Variants in CDCA8 observed in about 807,000 individuals in gnomAD.
CDCA8 encodes the protein cell division cycle associated 8.
In CDCA8, 25 loss-of-function variants were observed where a neutral mutation model predicts 40.0. The observed-to-expected ratio is 0.63, with a 90% CI of 0.46 to 0.87. The LOEUF (loss-of-function observed/expected upper bound fraction) is 0.87. CDCA8 is among the 40% of genes least tolerant of loss of function. The pLI is 0.00. For synonymous variants in CDCA8, 111 were observed against 126.5 expected (o/e 0.88, Z 0.82); for missense variants, 280 against 348.4 (o/e 0.80, Z 1.56).
intron 5 of CDCA8, 83 bp from the exon 6 acceptor site, chr1:37,701,670 CT>C: frequency 9.6e-5 from 72 of 753,370 alleles, no homozygotes; most frequent in Middle Eastern, 2.6e-4. Flanking sequence ...GTTCTTAATG[CT>C]TTAAAAAAAA....
rs535200769 is a variant in CDCA8 at position 37,695,897 on chromosome 1, G to A, written c.224-13G>A. ...GTTAAAATGTAATAGTAACTACAAC[G>A]TTCTTTTTAAAGCCCTTGGAGGAAA... On this transcript the variant is annotated splice_polypyrimidine_tract_variant and intron_variant, in intron 2 of 9. Coordinates refer to ENST00000373055, the MANE Select transcript of CDCA8 (RefSeq NM_001256875.2). 10 of 1,611,476 alleles carry A rather than the reference G, an allele frequency of 6.2e-6. No homozygotes were observed. The highest frequency in any genetic ancestry group is 3.3e-5 in the Admixed American group (2 of 59,966).
rs753549817 is a variant in CDCA8 at position 37,700,468 on chromosome 1, G to A, written c.370G>A (p.Val124Met). ...RKVIQVDEMI[V>M]EEEEEEENER... ...GGTAATACAGGTAGATGAAATGATA[G>A]TGGAAGAGGAAGAAGAAGAAGAAAA... The change falls in exon 5 of 10, where the codon GTG becomes ATG. Residue 124 changes from valine to methionine, a missense_variant. By Grantham distance (21) the Val-to-Met change is conservative. Transcript: ENST00000373055. The A allele has an allele frequency of 1.2e-6, 2 of 1,611,044 alleles. No homozygotes were observed. Among genetic ancestry groups the A allele is most frequent in the South Asian group, 2.2e-5 (2 of 90,932 alleles).
In CDCA8 at chr1:37,696,081, T is replaced by C. The variant is rs1645524823; in HGVS notation, c.264+131T>C. 1 of 783,444 alleles carries C rather than the reference T, an allele frequency of 1.3e-6. No homozygotes were observed. Among genetic ancestry groups the C allele is most frequent in the Admixed American group, 2.3e-5 (1 of 43,664 alleles). The allele number at this position is 783,444 out of a possible 1,614,324, so 48.5% of individuals were successfully genotyped here. On this transcript the variant is annotated intron_variant, in intron 3 of 9. Transcript: ENST00000373055. The surrounding 1 kb of genome is among the most constrained non-coding windows in gnomAD (Gnocchi z 5.0). ...TCATCTGTTTGTGTCAACTGAAAAA[T>C]TAGAGTTGGACCAGACACTGTATAC...
rs1557515574 is a variant in CDCA8 at position 37,695,915 on chromosome 1, G to A, written c.229G>A (p.Gly77Arg). 19 of 1,613,810 alleles carry A rather than the reference G, an allele frequency of 1.2e-5. No homozygotes were observed. Among genetic ancestry groups the A allele is most frequent in the Non-Finnish European group, 1.5e-5 (18 of 1,179,744 alleles). ...CTACAACGTTCTTTTTAAAGCCCTT[G>A]GAGGAAACAAACAGGCCCTGGAAGA... ...EMNWLDYFAL[G>R]GNKQALEEAA... is the part of the protein sequence containing the mutation. Residue 77 changes from glycine to arginine, a missense_variant, in exon 3 of 10, where the codon GGA becomes AGA. Transcript: ENST00000373055.
At chr1:37,708,229 G>A (rs1645616007) in intron 9 of CDCA8, 93 bp from the exon 10 acceptor site, 1 of 1,061,224 alleles carries the variant, frequency 9.4e-7, no homozygotes, top group Non-Finnish European at 1.5e-6. Flanking sequence ...GATACAGATA[G>A]AGAATGGAGG....
chr1:37,697,038 A>C (rs1450655512), intron 3 of CDCA8, among the ~76,000 whole-genome samples: 1 of 152,252 alleles, frequency 6.6e-6, no homozygotes, highest in Non-Finnish European at 1.5e-5. Context: ...AATTAGAAAT[A>C]CAGAACTGCA....
chr1:37,708,094 A>G (rs1448316371), intron 9 of CDCA8, among the ~76,000 whole-genome samples: 3 of 152,228 alleles, frequency 2.0e-5, no homozygotes, highest in Non-Finnish European at 4.4e-5. Context: ...TGTGACTGTC[A>G]TCCTCTAGCT....
At chr1:37,706,925 G>A (rs1645605796) in intron 8 of CDCA8, 53 bp from the exon 9 acceptor site, 3 of 1,437,158 alleles carry the variant, frequency 2.1e-6, no homozygotes, top group Admixed American at 1.7e-5. Context: ...GGAACCTAGG[G>A]GTTCCGGCCC....
At position 37,692,736 on chromosome 1, in the gene CDCA8, T is replaced by C; in HGVS notation, c.46T>C (p.Leu16=). 1 of 1,613,452 alleles carries C rather than the reference T, an allele frequency of 6.2e-7. No homozygotes were observed. Among genetic ancestry groups the C allele is most frequent in the Non-Finnish European group, 8.5e-7 (1 of 1,179,980 alleles). ...TAGTCGGGTGGCCAAGACCAACTCCTTACGGAGGCGGAAGCTCGCCTCCTT... is the reference window on the plus strand; with the variant it reads ...TAGTCGGGTGGCCAAGACCAACTCCCTACGGAGGCGGAAGCTCGCCTCCTT... The part of the protein sequence containing the change: ...GSSRVAKTNS[L]RRRKLASFLK... The change falls in exon 1 of 10, where the codon TTA becomes CTA. Residue 16 remains leucine (L), a synonymous_variant. Coordinates refer to ENST00000373055, the MANE Select transcript of CDCA8 (RefSeq NM_001256875.2).
rs1334576531 is a variant in CDCA8 at position 37,701,815 on chromosome 1, A to G, written c.485A>G (p.Lys162Arg). ...TCCATACAAGGAAAAGGAAAAGGGAAAAGGTAGTGGATTTTCTAAAGTTGT... is the reference window on the plus strand; with the variant it reads ...TCCATACAAGGAAAAGGAAAAGGGAGAAGGTAGTGGATTTTCTAAAGTTGT... ...TQSIQGKGKG[K>R]RSSRANTVTP... The change falls in exon 6 of 10, where the codon AAA becomes AGA. Residue 162 changes from lysine (K) to arginine (R), a missense_variant. By Grantham distance (26) the Lys-to-Arg change is conservative. Transcript: ENST00000373055. 4 of 1,612,304 alleles carry G rather than the reference A, an allele frequency of 2.5e-6. No individual in the cohort carries two copies. The highest frequency in any genetic ancestry group is 4.5e-5 in the East Asian group (2 of 44,850).
rs974422311 is a variant in CDCA8 at position 37,696,594 on chromosome 1, G to A, written c.264+644G>A. Reference sequence around the variant, plus strand: ...ACAGAAATAGAACATTGCTACTCTTGCAGAAAGTTTTATGAGACAGCATTG... The same window carrying A: ...ACAGAAATAGAACATTGCTACTCTTACAGAAAGTTTTATGAGACAGCATTG... On this transcript the variant is annotated intron_variant, in intron 3 of 9. Coordinates refer to ENST00000373055, the MANE Select transcript of CDCA8 (RefSeq NM_001256875.2). This position sits in a 1 kb window ranked among gnomAD's most constrained non-coding sequence, Gnocchi z 5.0. Among the ~76,000 whole-genome samples, 2 of 152,216 alleles carry A rather than the reference G, an allele frequency of 1.3e-5. No homozygotes were observed. Among genetic ancestry groups the A allele is most frequent in the African/African-American group, 4.8e-5 (2 of 41,454 alleles).
At chr1:37,705,705 A>G in intron 8 of CDCA8, 138 bp downstream of exon 8, 1 of 896,988 alleles carries the variant, frequency 1.1e-6, no homozygotes. Flanking sequence ...TGCGGGACTC[A>G]GAACCCAGTT....
At chr1:37,704,391 G>A (rs985168833) in intron 7 of CDCA8, among the ~76,000 whole-genome samples, 3 of 152,210 alleles carry the variant, frequency 2.0e-5, no homozygotes, top group Non-Finnish European at 4.4e-5. Flanking sequence ...AGGAGATGCT[G>A]TATAGCCATT....
In CDCA8 at chr1:37,692,761, T is replaced by C; in HGVS notation, c.71T>C (p.Phe24Ser). The change falls in exon 1 of 10, where the codon TTT (phenylalanine) becomes TCT (serine). Residue 24 changes from phenylalanine to serine, a missense_variant. Physicochemically the swap from Phe to Ser is radical, Grantham distance 155 (BLOSUM62 -2). Coordinates refer to ENST00000373055, the MANE Select transcript of CDCA8 (RefSeq NM_001256875.2). Reference sequence around the variant, plus strand: ...TTACGGAGGCGGAAGCTCGCCTCCTTTCTGAAAGACTTCGACCGTGAAGGT... The same window carrying C: ...TTACGGAGGCGGAAGCTCGCCTCCTCTCTGAAAGACTTCGACCGTGAAGGT... Reference protein sequence around the residue: ...NSLRRRKLASFLKDFDREVEI... With the variant: ...NSLRRRKLASSLKDFDREVEI... The C allele has an allele frequency of 6.2e-7, 1 of 1,613,632 alleles. No individual in the cohort carries two copies. Among genetic ancestry groups the C allele is most frequent in the Non-Finnish European group, 8.5e-7 (1 of 1,179,978 alleles).
At chr1:37,702,133 C>T (rs916264687) in intron 6 of CDCA8, among the ~76,000 whole-genome samples, 9 of 150,210 alleles carry the variant, frequency 6.0e-5, no homozygotes, top group Non-Finnish European at 1.0e-4. Flanking sequence ...TTCTGCCTCG[C>T]GGGTTCAAAT....
chr1:37,692,618 C>A lies in CDCA8; in HGVS notation c.-73C>A. On this transcript the variant is annotated 5_prime_UTR_variant, in exon 1 of 10. Coordinates refer to ENST00000373055, the MANE Select transcript of CDCA8 (RefSeq NM_001256875.2). ...ACTTCTTCGGGTGGTCCCCGTCCGC[C>A]CTCCTCGTCCCTACCCAGTTTCTTG... The A allele has an allele frequency of 1.6e-6, 2 of 1,231,908 alleles. No individual in the cohort carries two copies. The highest frequency in any genetic ancestry group is 2.3e-6 in the Non-Finnish European group (2 of 852,308). 76.3% of individuals were successfully genotyped at this position (1,231,908 alleles called of 1,614,324 possible).
Position 37,692,967 on chromosome 1 carries a change from C to T in CDCA8, c.157C>T (p.Leu53Phe), listed in dbSNP as rs780615091. ...RQNLLKEVDN[L>F]YNIEILRLPK... ...GAACCTCCTCAAGGAGGTGGATAAC[C>T]TCTACAACATCGAGATCCTGCGGCT... Residue 53 changes from leucine (L) to phenylalanine (F), a missense_variant, in exon 2 of 10, where the codon CTC becomes TTC. Coordinates refer to ENST00000373055, the MANE Select transcript of CDCA8 (RefSeq NM_001256875.2). The T allele has an allele frequency of 1.2e-6, 2 of 1,614,096 alleles. No individual in the cohort carries two copies. Among genetic ancestry groups the T allele is most frequent in the Non-Finnish European group, 1.7e-6 (2 of 1,179,988 alleles).
At chr1:37,707,415 G>A (rs1645609226) in intron 9 of CDCA8, among the ~76,000 whole-genome samples, 1 of 152,206 alleles carries the variant, frequency 6.6e-6, no homozygotes, top group African/African-American at 2.4e-5. Flanking sequence ...TTGTTATCAG[G>A]AATCTTACAG....
chr1:37,705,693 T>C, intron 8 of CDCA8, 126 bp downstream of exon 8: 1 of 1,076,376 alleles, frequency 9.3e-7, no homozygotes, highest in Non-Finnish European at 1.3e-6. Context: ...TCTCCACACT[T>C]CTGCGGGACT....
Sources: allele counts gnomAD v4.1 joint callset (sites outside exome capture counted in the v4.1 genomes callset), GRCh38; gene constraint gnomAD v4.1.1; non-coding constraint Gnocchi (gnomAD v3.1); transcripts MANE v1.5; gene names NCBI Gene and HGNC (gene_info 2026-07-23, HGNC 2026-07-21).